UNC5A: variants seen among roughly 807,000 people sequenced by gnomAD.
UNC5A encodes unc-5 netrin receptor A.
Under a neutral mutation model 87.4 loss-of-function variants are expected in UNC5A, and 20 were observed. The observed-to-expected ratio is 0.23, with a 90% confidence interval of 0.16 to 0.33. The LOEUF (loss-of-function observed/expected upper bound fraction) is 0.33, where lower values mean the gene tolerates loss of function less well. UNC5A is among the 10% of genes least tolerant of loss of function. The probability of loss-of-function intolerance (pLI) is 1.00; values close to 1 mark genes in which losing one functional copy is unlikely to be tolerated. For missense variants in UNC5A, 844 were observed against 1,133.4 expected (o/e 0.74, Z 3.67); for synonymous variants, 438 against 482.3 (o/e 0.91, Z 1.20).
At chr5:176,859,896 G>A (rs1440376844) in intron 1 of UNC5A, among the ~76,000 whole-genome samples, 9 of 152,242 alleles carry the variant, frequency 5.9e-5, no homozygotes, top group Non-Finnish European at 8.8e-5. Flanking sequence ...AATGCCCCCC[G>A]GGGCCACTGT....
In UNC5A at chr5:176,879,591, C is replaced by A. The variant is rs1055002549; in HGVS notation, c.2363+103C>A. ...AGGAGGCCCTGTGGGGCCTGTGCCG[C>A]ATCTACTAGTGGCCGGGGCAGTCAT... On this transcript the variant is annotated intron_variant, in intron 14 of 14. Transcript: ENST00000329542. 5.2e-6 allele frequency: 8 copies of A among 1,544,054 alleles called. No individual in the cohort carries two copies. The African/African-American group carries it at 9.6e-5, about 18-fold the overall frequency.
chr5:176,869,580 G>A lies in UNC5A; in HGVS notation c.721+616G>A, dbSNP rs573579055. On this transcript the variant is annotated intron_variant, in intron 5 of 14. Transcript: ENST00000329542. This position sits in a 1 kb window ranked among gnomAD's most constrained non-coding sequence, Gnocchi z 9.1. ...GGCCAGTGTATCTGAGGACGCCCCC[G>A]CTCCCTGACCCCAGTCCTTCTCTGT... 3.1e-5 allele frequency: 21 copies of A among 685,056 alleles called. No homozygotes were observed. The highest frequency in any genetic ancestry group is 8.2e-5 in the Admixed American group (4 of 48,710). The allele number at this position is 685,056 out of a possible 1,614,324, so 42.4% of individuals were successfully genotyped here.
Position 176,810,879 on chromosome 5 carries a change from C to A in UNC5A, c.70+59C>A. Reference sequence around the variant, plus strand: ...GCGGGGGACCGTGCGCGCGAACGCTCGCTGCTCTGGGGGTCCCTGACCAGC... The same window carrying A: ...GCGGGGGACCGTGCGCGCGAACGCTAGCTGCTCTGGGGGTCCCTGACCAGC... On this transcript the variant is annotated intron_variant, in intron 1 of 14. Transcript: ENST00000329542. The surrounding 1 kb of genome is among the most constrained non-coding windows in gnomAD (Gnocchi z 7.3). The A allele has an allele frequency of 8.4e-7, 1 of 1,196,144 alleles. No homozygotes were observed. Among genetic ancestry groups the A allele is most frequent in the South Asian group, 4.2e-5 (1 of 23,886 alleles). The allele number at this position is 1,196,144 out of a possible 1,614,324, so 74.1% of individuals were successfully genotyped here.
intron 1 of UNC5A, among the ~76,000 whole-genome samples, chr5:176,855,103 A>G (rs965227212): frequency 6.6e-6 from 1 of 152,244 alleles, no homozygotes; most frequent in Non-Finnish European, 1.5e-5. Context: ...CTCCAGGTCC[A>G]TGGGACCCCA....
intron 1 of UNC5A, among the ~76,000 whole-genome samples, chr5:176,814,486 G>T (rs1756541069): frequency 6.6e-6 from 1 of 152,122 alleles, no homozygotes; most frequent in Admixed American, 6.5e-5. Flanking sequence ...CCCAACGTTG[G>T]CTCTGTCCAG....
At chr5:176,817,433 A>G (rs1351165603) in intron 1 of UNC5A, among the ~76,000 whole-genome samples, 1 of 152,088 alleles carries the variant, frequency 6.6e-6, no homozygotes, top group Non-Finnish European at 1.5e-5. Context: ...CAGCAGGTCC[A>G]CTGGAGAGGC....
chr5:176,853,514 A>G (rs996582184), intron 1 of UNC5A, among the ~76,000 whole-genome samples: 15 of 151,996 alleles, frequency 9.9e-5, no homozygotes, highest in Admixed American at 5.9e-4. Context: ...CCCACTGGGG[A>G]AGAGGGTGAC....
At chr5:176,827,207 G>T (rs1299008204) in intron 1 of UNC5A, among the ~76,000 whole-genome samples, 21 of 96,626 alleles carry the variant, frequency 2.2e-4, no homozygotes, top group African/African-American at 7.5e-4. Context: ...TTTTGAGACA[G>T]AGCCTTACTC....
chr5:176,868,673 T>C lies in UNC5A; in HGVS notation c.540+9T>C. 6.2e-7 allele frequency: 1 copy of C among 1,602,792 alleles called. No homozygotes were observed. The highest frequency in any genetic ancestry group is 8.5e-7 in the Non-Finnish European group (1 of 1,174,002). ...GCATCCCTCCAGCCGAGGTGAGGGC[T>C]CCTCTAGTGCCCACGTCTGGACCTG... On this transcript the variant is annotated intron_variant, in intron 4 of 14. Transcript: ENST00000329542.
Position 176,865,025 on chromosome 5 carries a change from A to G in UNC5A, c.292+2180A>G, listed in dbSNP as rs996862894. The G allele has an allele frequency of 2.8e-6, 1 of 354,620 alleles. No individual in the cohort carries two copies. Among genetic ancestry groups the G allele is most frequent in the East Asian group, 7.9e-5 (1 of 12,632 alleles). The allele number at this position is 354,620 out of a possible 1,614,324, so 22.0% of individuals were successfully genotyped here. ...TGGGCTCAGTTTCTTCATCTGTAAA[A>G]TGGGGGTGAGGAGACCTCCCCTCCA... On this transcript the variant is annotated intron_variant, in intron 2 of 14. Coordinates refer to ENST00000329542, the MANE Select transcript of UNC5A (RefSeq NM_133369.3). The surrounding 1 kb of genome is among the most constrained non-coding windows in gnomAD (Gnocchi z 5.3).
chr5:176,877,339 C>T (rs1375230863), intron 9 of UNC5A, 60 bp downstream of exon 9: 1 of 1,485,056 alleles, frequency 6.7e-7, no homozygotes, highest in Non-Finnish European at 9.2e-7. Flanking sequence ...CTTCGGTCCC[C>T]AGGAAGCCCC....
At chr5:176,879,268 G>A (rs1342574910) in intron 13 of UNC5A, 42 bp from the exon 14 acceptor site, 1 of 1,532,054 alleles carries the variant, frequency 6.5e-7, no homozygotes, top group Non-Finnish European at 8.8e-7. Context: ...ACCCGGGCCT[G>A]GGGAAAGTTC....
intron 1 of UNC5A, among the ~76,000 whole-genome samples, chr5:176,832,592 C>T (rs1296554097): frequency 3.3e-5 from 5 of 152,160 alleles, no homozygotes; most frequent in South Asian, 4.1e-4. Flanking sequence ...CCTCAGCTGC[C>T]GCTGCTGCTA....
At chr5:176,817,846 G>C (rs959667090) in intron 1 of UNC5A, among the ~76,000 whole-genome samples, 1 of 151,910 alleles carries the variant, frequency 6.6e-6, no homozygotes, top group Non-Finnish European at 1.5e-5. Context: ...GTCCAGGCCG[G>C]GGGTGGGTGC....
At position 176,868,821 on chromosome 5, in the gene UNC5A, C is replaced by A. The variant is rs138558999; in HGVS notation, c.578C>A (p.Ser193Tyr). ...WLRNEDLVDP[S>Y]LDPNVYITRE... is the part of the protein sequence containing the mutation. ...CGGAACGAGGACCTGGTGGACCCGTCCCTGGACCCCAATGTATACATCACG... is the reference window on the plus strand; with the variant it reads ...CGGAACGAGGACCTGGTGGACCCGTACCTGGACCCCAATGTATACATCACG... Residue 193 changes from serine (S) to tyrosine (Y), a missense_variant, in exon 5 of 15, where the codon TCC becomes TAC. Transcript: ENST00000329542. The A allele has an allele frequency of 1.1e-3, 1,847 of 1,608,992 alleles. 3 individuals are homozygous for A. The highest frequency in any genetic ancestry group is 1.5e-3 in the Non-Finnish European group (1,732 of 1,176,768).
chr5:176,874,484 C>G lies in UNC5A; in HGVS notation c.1296C>G (p.Phe432Leu), dbSNP rs756807194. Residue 432 changes from phenylalanine (F) to leucine (L), a missense_variant, in exon 8 of 15, where the codon TTC becomes TTG. Transcript: ENST00000329542. The surrounding 1 kb of genome is among the most constrained non-coding windows in gnomAD (Gnocchi z 7.6). ...CCCGCCTCTCCACCCAGAACTACTT[C>G]CGCTCCCTGCCCCGAGGCACCAGCA... is the stretch of plus-strand genomic sequence containing the variant. ...FVSRLSTQNY[F>L]RSLPRGTSNM... 1.2e-6 allele frequency: 2 copies of G among 1,611,410 alleles called. No individual in the cohort carries two copies. Among genetic ancestry groups the G allele is most frequent in the Middle Eastern group, 1.7e-4 (1 of 6,050 alleles).
At chr5:176,811,599 C>T (rs536490408) in intron 1 of UNC5A, among the ~76,000 whole-genome samples, 70 of 49,652 alleles carry the variant, frequency 1.4e-3, no homozygotes, top group Non-Finnish European at 3.2e-3. Context: ...CACCTCATTC[C>T]CTTGGGAGGG....
Position 176,810,810 on chromosome 5 carries a change from C to G in UNC5A, c.60C>G (p.Leu20=). 8.2e-7 allele frequency: 1 copy of G among 1,222,528 alleles called. No homozygotes were observed. Among genetic ancestry groups the G allele is most frequent in the African/African-American group, 1.6e-5 (1 of 63,992 alleles). 75.7% of individuals were successfully genotyped at this position (1,222,528 alleles called of 1,614,324 possible). ...ALLGIVLAAW[L]RGSGAQQSAT... is the part of the protein sequence containing the mutation. ...TGGGCATAGTCCTCGCCGCTTGGCT[C>G]CGCGGCTCGGGTGAGTCACGCCGCG... Residue 20 remains leucine, a synonymous_variant, in exon 1 of 15, where the codon CTC becomes CTG. Transcript: ENST00000329542. The surrounding 1 kb of genome is among the most constrained non-coding windows in gnomAD (Gnocchi z 7.3).
chr5:176,867,100 C>T (rs370794939), intron 2 of UNC5A, among the ~76,000 whole-genome samples: 1 of 152,190 alleles, frequency 6.6e-6, no homozygotes, highest in Non-Finnish European at 1.5e-5. Context: ...AATTGAATTT[C>T]GCTGTTAACA....
Sources: gnomAD v4.1 joint callset for allele counts (sites outside exome capture counted in the v4.1 genomes callset) on GRCh38, gnomAD v4.1.1 for gene constraint, Gnocchi (gnomAD v3.1) non-coding constraint, MANE v1.5 for transcripts, NCBI Gene and HGNC (gene_info 2026-07-23, HGNC 2026-07-21) for gene names.